The following EIF2B3 variants were observed in gnomAD, a reference collection of about 807,000 sequenced individuals.
The protein encoded by EIF2B3 is eukaryotic translation initiation factor 2B subunit gamma, also known as translation initiation factor eIF2B subunit gamma.
A neutral mutation model predicts 54.1 loss-of-function variants in EIF2B3; 20 were observed. The observed-to-expected ratio is 0.37, with a 90% CI of 0.26 to 0.54. EIF2B3 has a LOEUF of 0.54. Ranked by LOEUF, EIF2B3 falls within the 20% of genes least tolerant of loss-of-function variation. The probability of loss-of-function intolerance (pLI) is 0.86; values close to 1 mark genes in which losing one functional copy is unlikely to be tolerated. For synonymous variants in EIF2B3, 153 were observed against 188.1 expected (o/e 0.81, Z 1.52); for missense variants, 448 against 547.8 (o/e 0.82, Z 1.82).
Position 44,858,560 on chromosome 1 carries a change from C to T in EIF2B3, c.1203-753G>A, listed in dbSNP as rs545482454. ...TCTTGGCTCACTACAGCCTCCACCT[C>T]CTGGGTTCAAGCAATTCTCCTGCCT... On this transcript the variant is annotated intron_variant, in intron 10 of 11. Coordinates refer to ENST00000360403, the MANE Select transcript of EIF2B3 (RefSeq NM_020365.5). 2.6e-5 allele frequency among the ~76,000 whole-genome samples: 4 copies of T among 152,180 alleles called. No homozygotes were observed. The East Asian group carries it at 5.8e-4, about 22-fold the overall frequency.
intron 10 of EIF2B3, among the ~76,000 whole-genome samples, chr1:44,858,942 C>G (rs1359105434): frequency 6.6e-6 from 1 of 152,158 alleles, no homozygotes; most frequent in African/African-American, 2.4e-5. Context: ...AAGACTACTC[C>G]AGACCCTAAA....
At chr1:44,943,367 AC>A (rs1644059490) in intron 3 of EIF2B3, among the ~76,000 whole-genome samples, 4 of 125,676 alleles carry the variant, frequency 3.2e-5, no homozygotes, top group Admixed American at 8.4e-5. Flanking sequence ...TGCAGGAAGA[AC>A]TATCTATATC....
chr1:44,857,596 G>A (rs893682051), intron 11 of EIF2B3, 108 bp downstream of exon 11: 7 of 1,007,656 alleles, frequency 6.9e-6, no homozygotes, highest in African/African-American at 3.2e-5. Context: ...TTATGTTCTC[G>A]CCCGCAGTGT....
chr1:44,969,669 G>C (rs1371964724), intron 3 of EIF2B3, among the ~76,000 whole-genome samples: 1 of 152,184 alleles, frequency 6.6e-6, no homozygotes, highest in Non-Finnish European at 1.5e-5. Context: ...AATAAGATTT[G>C]CTATAGGTTG....
intron 6 of EIF2B3, among the ~76,000 whole-genome samples, chr1:44,893,309 C>T (rs890948305): frequency 2.6e-5 from 4 of 152,192 alleles, no homozygotes; most frequent in African/African-American, 9.7e-5. Context: ...CAACTCTTGA[C>T]TTCACTTTGT....
chr1:44,897,407 C>A lies in EIF2B3; in HGVS notation c.604G>T (p.Ala202Ser), dbSNP rs539215452. 10 of 1,613,442 alleles carry A rather than the reference C, an allele frequency of 6.2e-6. No homozygotes were observed. In the South Asian group the frequency reaches 9.9e-5, roughly 16 times the overall value. Residue 202 changes from alanine (A) to serine (S), a missense_variant, in exon 6 of 12, where the codon GCC (alanine) becomes TCC (serine). By Grantham distance (99) the Ala-to-Ser change is moderately conservative. Transcript: ENST00000360403. ...TATTTTTTCAAACAGTAGAGGTGGG[C>A]ATCCACAAGACCCGTGTGGAAACGT... ...RIRFHTGLVD[A>S]HLYCLKKYIV...
At chr1:44,912,060 T>C (rs2148922910) in intron 5 of EIF2B3, among the ~76,000 whole-genome samples, 1 of 151,826 alleles carries the variant, frequency 6.6e-6, no homozygotes, top group South Asian at 2.1e-4. Flanking sequence ...GGCTGCATAG[T>C]ATTCCATGGT....
intron 3 of EIF2B3, among the ~76,000 whole-genome samples, chr1:44,965,424 C>T (rs1644326550): frequency 6.6e-6 from 1 of 152,082 alleles, no homozygotes; most frequent in South Asian, 2.1e-4. Context: ...ACCAAGTAAA[C>T]CTGGTAGAAT....
chr1:44,977,206 G>T (rs1168555869), intron 3 of EIF2B3, among the ~76,000 whole-genome samples: 1 of 152,196 alleles, frequency 6.6e-6, no homozygotes, highest in Non-Finnish European at 1.5e-5. Flanking sequence ...ACAATCTACA[G>T]TGGATCTTTC....
In EIF2B3 at chr1:44,939,593, T is replaced by C. The variant is rs117417584; in HGVS notation, c.454+1913A>G. On this transcript the variant is annotated intron_variant, in intron 4 of 11. Transcript: ENST00000360403. ...CCTGTTTAATTTAATTATTCCACAT[T>C]GTATACATAAATTATAACATCGCTT... Among the ~76,000 whole-genome samples the C allele has an allele frequency of 5.1e-3, 782 of 152,290 alleles. 5 individuals carry two copies. Among genetic ancestry groups the C allele is most frequent in the East Asian group, 8.1e-3 (42 of 5,190 alleles).
At chr1:44,965,456 A>C (rs1378972440) in intron 3 of EIF2B3, among the ~76,000 whole-genome samples, 3 of 151,506 alleles carry the variant, frequency 2.0e-5, no homozygotes, top group Admixed American at 6.6e-5. Context: ...GTTTAGAACT[A>C]AACGTGTTCT....
intron 11 of EIF2B3, among the ~76,000 whole-genome samples, chr1:44,855,562 T>C (rs1244178366): frequency 6.8e-6 from 1 of 147,742 alleles, no homozygotes; most frequent in Non-Finnish European, 1.5e-5. Context: ...TTGAGGATCT[T>C]TTTTTTTTTT....
chr1:44,937,507 C>G (rs1367950744), intron 4 of EIF2B3, among the ~76,000 whole-genome samples: 3 of 152,132 alleles, frequency 2.0e-5, no homozygotes, highest in African/African-American at 7.2e-5. Flanking sequence ...TCAGAAATAA[C>G]TTGAAGGCTA....
At chr1:44,978,210 G>A in intron 3 of EIF2B3, 105 bp downstream of exon 3, 1 of 1,353,740 alleles carries the variant, frequency 7.4e-7, no homozygotes, top group Non-Finnish European at 1.0e-6. Context: ...CGGCCTAGGT[G>A]ACAGAGCGAG....
intron 5 of EIF2B3, among the ~76,000 whole-genome samples, chr1:44,915,083 G>A (rs1643594632): frequency 6.6e-6 from 1 of 151,650 alleles, no homozygotes; most frequent in South Asian, 2.1e-4. Context: ...TAGATCATTT[G>A]AGGTCAGCAG....
At chr1:44,867,442 A>G (rs1373939652) in intron 10 of EIF2B3, among the ~76,000 whole-genome samples, 2 of 152,036 alleles carry the variant, frequency 1.3e-5, no homozygotes, top group Non-Finnish European at 2.9e-5. Context: ...AGCCCTGAAG[A>G]CCTTGGGCAG....
At chr1:44,917,438 A>G (rs1643645138) in intron 5 of EIF2B3, among the ~76,000 whole-genome samples, 1 of 151,426 alleles carries the variant, frequency 6.6e-6, no homozygotes, top group Non-Finnish European at 1.5e-5. Flanking sequence ...GGTTGCGGTG[A>G]GCCGAGATCA....
intron 10 of EIF2B3, among the ~76,000 whole-genome samples, chr1:44,872,587 T>G (rs1226737808): frequency 6.6e-6 from 1 of 151,942 alleles, no homozygotes; most frequent in Non-Finnish European, 1.5e-5. Context: ...GAGTTTGAGG[T>G]TGTAGTGAGC....
intron 6 of EIF2B3, among the ~76,000 whole-genome samples, chr1:44,890,356 T>C (rs1388244038): frequency 2.0e-5 from 3 of 152,218 alleles, no homozygotes; most frequent in African/African-American, 7.2e-5. Context: ...CTTCTGTCTG[T>C]CTGTGTAGTT....
Sources: gnomAD v4.1 joint callset for allele counts (sites outside exome capture counted in the v4.1 genomes callset) on GRCh38, gnomAD v4.1.1 for gene constraint, MANE v1.5 for transcripts, NCBI Gene and HGNC (gene_info 2026-07-23, HGNC 2026-07-21) for gene names.